ARHGEF1: variants seen among roughly 807,000 people sequenced by gnomAD.
The protein encoded by ARHGEF1 is 115 kDa guanine nucleotide exchange factor.
ARHGEF1 carries 40 observed loss-of-function variants against 119.7 expected under a neutral mutation model. The observed-to-expected ratio is 0.33, with a 90% CI of 0.26 to 0.44. The LOEUF is 0.44. ARHGEF1 is among the 20% of genes least tolerant of loss of function. The pLI, the probability that ARHGEF1 is intolerant of heterozygous loss-of-function variation, is 1.00. For synonymous variants in ARHGEF1, 494 were observed against 521.0 expected (o/e 0.95, Z 0.71); for missense variants, 976 against 1,268.3 (o/e 0.77, Z 3.50).
At chr19:41,900,464 G>A (rs1270851801) in intron 14 of ARHGEF1, among the ~76,000 whole-genome samples, 7 of 152,172 alleles carry the variant, frequency 4.6e-5, no homozygotes, top group Admixed American at 1.3e-4. Flanking sequence ...TCTTTCCCCA[G>A]AAAGAATATG....
In ARHGEF1 at chr19:41,894,462, C is replaced by T. The variant is rs1041220028; in HGVS notation, c.756C>T (p.Asn252=). 7.0e-6 allele frequency: 11 copies of T among 1,562,262 alleles called. No homozygotes were observed. The African/African-American group carries it at 1.4e-4, about 19-fold the overall frequency. ...CCGCCCTCTCACAGGTGATGGGGAA[C>T]CGGCGGTCGGACGAGCCTGCCAAGA... is the stretch of plus-strand genomic sequence containing the variant. ...RNFFRKKVMG[N]RRSDEPAKTK... Residue 252 remains asparagine, a synonymous_variant, in exon 10 of 29, where the codon AAC becomes AAT. Transcript: ENST00000354532.
In ARHGEF1 at chr19:41,903,858, C is replaced by T; in HGVS notation, c.1917+74C>T. 2.0e-6 allele frequency: 3 copies of T among 1,499,456 alleles called. No homozygotes were observed. The highest frequency in any genetic ancestry group is 1.9e-6 in the Non-Finnish European group (2 of 1,079,852). The allele number at this position is 1,499,456 out of a possible 1,614,324, so 92.9% of individuals were successfully genotyped here. A position where few individuals can be genotyped will look rare whatever the true frequency, so the allele number is the denominator to read the frequency against. On this transcript the variant is annotated intron_variant, in intron 20 of 28. Coordinates refer to ENST00000354532, the MANE Select transcript of ARHGEF1 (RefSeq NM_004706.4). This position sits in a 1 kb window ranked among gnomAD's most constrained non-coding sequence, Gnocchi z 4.2. The stretch of plus-strand genomic sequence containing the variant: ...GGGGATTCTGTGATACAGCCCCCAG[C>T]CTGTCCTGCCCATCCCATAATACAC...
chr19:41,904,681 A>G lies in ARHGEF1; in HGVS notation c.2162-268A>G, dbSNP rs1273512983. Among the ~76,000 whole-genome samples, 1 of 152,162 alleles carries G rather than the reference A, an allele frequency of 6.6e-6. No homozygotes were observed. Among genetic ancestry groups the G allele is most frequent in the Non-Finnish European group, 1.5e-5 (1 of 68,022 alleles). On this transcript the variant is annotated intron_variant, in intron 22 of 28. Transcript: ENST00000354532. The surrounding 1 kb of genome is among the most constrained non-coding windows in gnomAD (Gnocchi z 8.4). ...ACTAGGAAGTTGCACCAGGGCCACA[A>G]ACACTGGAAGCGGCTGGAGGGTGGG...
upstream of ARHGEF1, among the ~76,000 whole-genome samples, chr19:41,918,497 ATC>A (rs1491257193): frequency 7.0e-6 from 1 of 142,790 alleles, no homozygotes; most frequent in Non-Finnish European, 1.5e-5. Flanking sequence ...CCACACACAC[ATC>A]ACACACACAC....
intron 13 of ARHGEF1, 156 bp downstream of exon 13, chr19:41,896,638 TCTTTC>T (rs1568817207): frequency 1.4e-6 from 1 of 715,286 alleles, no homozygotes. Context: ...TCTCCCTTCT[TCTTTC>T]CTTTTCTCAT....
At position 41,889,082 on chromosome 19, in the gene ARHGEF1, C is replaced by T. The variant is rs979521209; in HGVS notation, c.225+217C>T. On this transcript the variant is annotated intron_variant, in intron 4 of 28. Transcript: ENST00000354532. This position sits in a 1 kb window ranked among gnomAD's most constrained non-coding sequence, Gnocchi z 4.0. ...CAAGTGCCCAGGGTAGATCTCAGTGCGCAGCGGGCAGGGTACACACGTCAG... is the reference window on the plus strand; with the variant it reads ...CAAGTGCCCAGGGTAGATCTCAGTGTGCAGCGGGCAGGGTACACACGTCAG... 1.9e-5 allele frequency: 10 copies of T among 517,516 alleles called. 1 individual carries two copies. In the Admixed American group the frequency reaches 1.9e-4, roughly 10 times the overall value. The allele number at this position is 517,516 out of a possible 1,614,324, so 32.1% of individuals were successfully genotyped here.
At chr19:41,894,574 C>T (rs1183677404) in intron 10 of ARHGEF1, 27 bp downstream of exon 10, 1 of 1,613,856 alleles carries the variant, frequency 6.2e-7, no homozygotes, top group East Asian at 2.2e-5. Flanking sequence ...CTCTGCCCTC[C>T]CCTGTCTTCC....
chr19:41,918,718 C>T (rs1218321467), upstream of ARHGEF1, among the ~76,000 whole-genome samples: 5 of 149,006 alleles, frequency 3.4e-5, no homozygotes, highest in African/African-American at 5.0e-5. Context: ...ACACACACCA[C>T]GTACACACCA....
rs2074673059 is a variant in ARHGEF1 at position 41,905,365 on chromosome 19, ATGTGTGAATGCATG to A, written c.2336+111_2336+124del. The A allele has an allele frequency of 2.0e-6, 2 of 994,862 alleles. No individual in the cohort carries two copies. Among genetic ancestry groups the A allele is most frequent in the African/African-American group, 1.6e-5 (1 of 61,966 alleles). 61.6% of individuals were successfully genotyped at this position (994,862 alleles called of 1,614,324 possible). A position where few individuals can be genotyped will look rare whatever the true frequency, so the allele number is the denominator to read the frequency against. On this transcript the variant is annotated intron_variant, in intron 24 of 28. Transcript: ENST00000354532. This position sits in a 1 kb window ranked among gnomAD's most constrained non-coding sequence, Gnocchi z 6.4. ...GAACCGTCTCTGTGTGAGCATGCACATGTGTGAATGCATGTGTGTGCATACATGTGTGTCTGTAC... is the reference window on the plus strand; with the variant it reads ...GAACCGTCTCTGTGTGAGCATGCACATGTGTGCATACATGTGTGTCTGTAC...
rs2074391927 is a variant in ARHGEF1, at chr19:41,892,437, G to A, written c.367+64G>A. 1 of 1,607,058 alleles carries A rather than the reference G, an allele frequency of 6.2e-7. No individual in the cohort carries two copies. The highest frequency in any genetic ancestry group is 8.5e-7 in the Non-Finnish European group (1 of 1,174,382). ...GGGACCACACCTCCCAGGAGGCCAA[G>A]GGGAGGGAGGCCGCACTCCCATGCT... On this transcript the variant is annotated intron_variant, in intron 6 of 28. Transcript: ENST00000354532. The surrounding 1 kb of genome is among the most constrained non-coding windows in gnomAD (Gnocchi z 6.3).
chr19:41,920,153 C>T (rs1159451508), upstream of ARHGEF1, among the ~76,000 whole-genome samples: 1 of 117,054 alleles, frequency 8.5e-6, no homozygotes, highest in East Asian at 2.4e-4. Context: ...ATGACACGCC[C>T]AGACATGATG....
intron 1 of ARHGEF1, among the ~76,000 whole-genome samples, chr19:41,924,914 G>A (rs1160334941): frequency 1.3e-5 from 2 of 152,148 alleles, no homozygotes; most frequent in Non-Finnish European, 2.9e-5. Context: ...CAAGCTGCAG[G>A]GACAGGTATC....
rs1555850187 is a variant in ARHGEF1, at chr19:41,906,446, C to T, written c.2492-11C>T. 7.1e-6 allele frequency: 11 copies of T among 1,549,558 alleles called. No individual in the cohort carries two copies. The highest frequency in any genetic ancestry group is 2.3e-5 in the Admixed American group (1 of 44,118). On this transcript the variant is annotated splice_polypyrimidine_tract_variant and intron_variant, in intron 26 of 28. Coordinates refer to ENST00000354532, the MANE Select transcript of ARHGEF1 (RefSeq NM_004706.4). This position sits in a 1 kb window ranked among gnomAD's most constrained non-coding sequence, Gnocchi z 4.5. ...GGTCTCCTGACTCCACCCCTCCTTG[C>T]CCCTGGCCAGTGCTGTCCCTGAAGC...
At chr19:41,891,941 A>G in intron 4 of ARHGEF1, 84 bp from the exon 5 acceptor site, 1 of 1,164,124 alleles carries the variant, frequency 8.6e-7, no homozygotes, top group Non-Finnish European at 1.2e-6. Context: ...GATGGCCAGG[A>G]GGTGAGGAAG....
Position 41,905,669 on chromosome 19 carries a change from C to G in ARHGEF1, c.2337-91C>G. 1 of 1,390,354 alleles carries G rather than the reference C, an allele frequency of 7.2e-7. No individual in the cohort carries two copies. The highest frequency in any genetic ancestry group is 1.0e-6 in the Non-Finnish European group (1 of 994,520). The allele number at this position is 1,390,354 out of a possible 1,614,324, so 86.1% of individuals were successfully genotyped here. ...ACCTCTGTCTCTGTCTCCGGACCTC[C>G]CTGCCTCCCCACCTCCAGCTCTCTG... On this transcript the variant is annotated intron_variant, in intron 24 of 28. Transcript: ENST00000354532. This position sits in a 1 kb window ranked among gnomAD's most constrained non-coding sequence, Gnocchi z 6.4.
chr19:41,914,319 C>T (rs1805476460), intron 18 of ARHGEF1, among the ~76,000 whole-genome samples: 1 of 151,458 alleles, frequency 6.6e-6, no homozygotes, highest in Admixed American at 6.6e-5. Context: ...TCCCTTCCGT[C>T]TCCCCCCACC....
In ARHGEF1 at chr19:41,888,327, GC is replaced by G. The variant is rs1568808770; in HGVS notation, c.111+53del. On this transcript the variant is annotated intron_variant, in intron 3 of 28. Transcript: ENST00000354532. The surrounding 1 kb of genome is among the most constrained non-coding windows in gnomAD (Gnocchi z 5.1). ...AGCTCTGTCCCAGGCTCAGTGTCCC[GC>G]CCCAGGTCCCCTCCCACCTGCAGAT... 6.3e-7 allele frequency: 1 copy of G among 1,577,606 alleles called. No homozygotes were observed.
chr19:41,910,115 G>C, downstream of ARHGEF1: 1 of 1,603,540 alleles, frequency 6.2e-7, no homozygotes, highest in Non-Finnish European at 8.5e-7. The surrounding 1 kb of genome is among the most constrained non-coding windows in gnomAD (Gnocchi z 4.4). Context: ...CGGGAGGCAG[G>C]GAGTGGCCTG....
At chr19:41,907,071 C>T (rs2074714008) in intron 28 of ARHGEF1, 34 bp from the exon 29 acceptor site, 2 of 1,464,948 alleles carry the variant, frequency 1.4e-6, no homozygotes, top group Admixed American at 2.4e-5. Flanking sequence ...CTCTCCATCT[C>T]TCCCCGTCTC....
Sources: allele counts gnomAD v4.1 joint callset (sites outside exome capture counted in the v4.1 genomes callset), GRCh38; gene constraint gnomAD v4.1.1; non-coding constraint Gnocchi (gnomAD v3.1); transcripts MANE v1.5; gene names NCBI Gene and HGNC (gene_info 2026-07-23, HGNC 2026-07-21).